CDH18: variants seen among roughly 807,000 people sequenced by gnomAD.
The protein encoded by CDH18 is cadherin 18.
A neutral mutation model predicts 67.9 loss-of-function variants in CDH18; 31 were observed. That is an observed-to-expected ratio of 0.46 (90% CI 0.34 to 0.62). The LOEUF is 0.62. CDH18 is among the 20% of genes least tolerant of loss of function. CDH18 has a pLI of 0.01. For missense variants in CDH18, 890 were observed against 975.5 expected, an observed-to-expected ratio of 0.91 and a Z score of 1.17; for synonymous variants, 362 against 347.2, an observed-to-expected ratio of 1.04 and a Z score of -0.48.
chr5:19,657,955 C>CA (rs1231429996), intron 5 of CDH18, among the ~76,000 whole-genome samples: 6 of 152,178 alleles, frequency 3.9e-5, no homozygotes, highest in Non-Finnish European at 5.9e-5. Context: ...TTAGTCCTGG[C>CA]ATAAGAGGGC....
chr5:19,602,432 T>C (rs1420724071), intron 6 of CDH18, among the ~76,000 whole-genome samples: 2 of 151,386 alleles, frequency 1.3e-5, no homozygotes, highest in African/African-American at 4.9e-5. Flanking sequence ...CATAAATAAA[T>C]GCAAACTATT....
chr5:19,810,446 G>T (rs2149891431), intron 3 of CDH18, among the ~76,000 whole-genome samples: 1 of 152,156 alleles, frequency 6.6e-6, no homozygotes, highest in Admixed American at 6.5e-5. Context: ...ATAGGATAAT[G>T]ATTTAATTTA....
intron 2 of CDH18, among the ~76,000 whole-genome samples, chr5:19,864,417 C>T (rs7716655): frequency 0.48 from 68,785 of 143,216 alleles, 17,071 homozygotes; most frequent in Middle Eastern, 0.63. Context: ...TTAGGAGATA[C>T]ACCTAATGCT....
chr5:19,724,516 C>T (rs987999843), intron 4 of CDH18, among the ~76,000 whole-genome samples: 3 of 143,888 alleles, frequency 2.1e-5, no homozygotes, highest in Admixed American at 2.1e-4. Flanking sequence ...CAGACATACA[C>T]ACACACACAC....
chr5:19,817,919 TTG>T (rs1779463798), intron 3 of CDH18, among the ~76,000 whole-genome samples: 1 of 152,154 alleles, frequency 6.6e-6, no homozygotes, highest in African/African-American at 2.4e-5. Context: ...ATAAATAAAT[TTG>T]TGTGTCTATG....
chr5:19,741,152 C>CTATGTG (rs70950095), intron 4 of CDH18, among the ~76,000 whole-genome samples: 107,808 of 145,958 alleles, frequency 0.74, 41,636 homozygotes, highest in Non-Finnish European at 0.86. Context: ...ATATGTACAT[C>CTATGTG]TATGTCATCT....
At chr5:20,311,162 A>G (rs567919671) in intron 1 of CDH18, among the ~76,000 whole-genome samples, 1 of 152,172 alleles carries the variant, frequency 6.6e-6, no homozygotes, top group African/African-American at 2.4e-5. Context: ...GCTGGAGAGG[A>G]TGTGGAGAAA....
chr5:19,784,672 T>C (rs921069670), intron 3 of CDH18, among the ~76,000 whole-genome samples: 5 of 152,236 alleles, frequency 3.3e-5, no homozygotes, highest in African/African-American at 1.2e-4. Flanking sequence ...TCCCAATTTA[T>C]ATTCCACATT....
intron 2 of CDH18, among the ~76,000 whole-genome samples, chr5:20,111,472 C>A (rs1003854906): frequency 1.3e-5 from 2 of 151,422 alleles, no homozygotes; most frequent in African/African-American, 4.8e-5. Flanking sequence ...ATGGCCAAAC[C>A]AATGAGAACA....
At chr5:19,787,825 A>ATATATATATATATG (rs1775972955) in intron 3 of CDH18, among the ~76,000 whole-genome samples, 1 of 150,184 alleles carries the variant, frequency 6.7e-6, no homozygotes, top group African/African-American at 2.4e-5. Context: ...ATATATATAT[A>ATATATATATATATG]TATGTTTACA....
chr5:19,600,737 T>C (rs1182015935), intron 6 of CDH18, among the ~76,000 whole-genome samples: 1 of 152,088 alleles, frequency 6.6e-6, no homozygotes, highest in Non-Finnish European at 1.5e-5. Context: ...TAATATGTAC[T>C]ATAGGATATG....
chr5:19,640,779 A>G (rs1485451668), intron 5 of CDH18, among the ~76,000 whole-genome samples: 4 of 152,088 alleles, frequency 2.6e-5, no homozygotes, highest in Non-Finnish European at 4.4e-5. Context: ...TTAAGCCTCA[A>G]GAAACTAGAG....
chr5:19,751,427 G>A (rs185522092), intron 3 of CDH18, among the ~76,000 whole-genome samples: 5 of 152,100 alleles, frequency 3.3e-5, no homozygotes, highest in African/African-American at 1.2e-4. Context: ...ATATTTCAGT[G>A]GAAGCCAAAA....
chr5:19,829,583 A>T (rs530257677), intron 3 of CDH18, among the ~76,000 whole-genome samples: 8 of 152,206 alleles, frequency 5.3e-5, no homozygotes, highest in Non-Finnish European at 1.2e-4. Context: ...AAATGGAAAA[A>T]TGTTCCATGC....
At chr5:19,733,667 C>T (rs1247064996) in intron 4 of CDH18, among the ~76,000 whole-genome samples, 4 of 152,188 alleles carry the variant, frequency 2.6e-5, no homozygotes, top group African/African-American at 9.6e-5. Flanking sequence ...GAAGCAGCAG[C>T]AGGTCCAAGC....
At chr5:20,411,080 A>C (rs1181053541) in intron 1 of CDH18, among the ~76,000 whole-genome samples, 1 of 152,002 alleles carries the variant, frequency 6.6e-6, no homozygotes, top group Admixed American at 6.6e-5. Context: ...GTCCCAATTA[A>C]TTTTTTATAA....
At chr5:20,241,861 A>AAAAAT (rs1380859917) in intron 2 of CDH18, among the ~76,000 whole-genome samples, 42 of 127,200 alleles carry the variant, frequency 3.3e-4, no homozygotes, top group Admixed American at 4.9e-4. Context: ...CAAAAAAAAA[A>AAAAAT]AAAATAAAAT....
At chr5:20,150,525 T>A (rs1751016606) in intron 2 of CDH18, among the ~76,000 whole-genome samples, 1 of 152,134 alleles carries the variant, frequency 6.6e-6, no homozygotes, top group Admixed American at 6.5e-5. Flanking sequence ...AGGATGGGGC[T>A]GTGATAGGGA....
At chr5:20,131,582 T>C (rs866471349) in intron 2 of CDH18, among the ~76,000 whole-genome samples, 14 of 152,158 alleles carry the variant, frequency 9.2e-5, no homozygotes, top group Middle Eastern at 3.2e-3. Flanking sequence ...CTATTGTGTA[T>C]GTACATTTGT....
Sources: allele counts gnomAD v4.1 joint callset (sites outside exome capture counted in the v4.1 genomes callset), GRCh38; gene constraint gnomAD v4.1.1; transcripts MANE v1.5; gene names NCBI Gene and HGNC (gene_info 2026-07-23, HGNC 2026-07-21).